The following ZFHX4 variants were observed in gnomAD, a reference collection of about 807,000 sequenced individuals.
ZFHX4 encodes the protein zinc finger homeobox 4.
ZFHX4 carries 56 observed loss-of-function variants against 267.6 expected under a neutral mutation model. The observed-to-expected ratio is 0.21, with a 90% CI of 0.17 to 0.26. The LOEUF (loss-of-function observed/expected upper bound fraction) is 0.26. Ranked by LOEUF, ZFHX4 falls within the 10% of genes least tolerant of loss-of-function variation. The probability of loss-of-function intolerance (pLI) is 1.00; values close to 1 mark genes in which losing one functional copy is unlikely to be tolerated. For missense variants in ZFHX4, 4,332 were observed against 4,420.0 expected (o/e 0.98, Z 0.56); for synonymous variants, 1,778 against 1,665.6 (o/e 1.07, Z -1.64).
chr8:76,696,769 CT>C (rs1265168629), intron 1 of ZFHX4, among the ~76,000 whole-genome samples: 6 of 151,838 alleles, frequency 4.0e-5, no homozygotes, highest in Admixed American at 1.3e-4. Flanking sequence ...TGTCATTCTA[CT>C]TATGTTCTCT....
At chr8:76,719,748 A>T (rs1808670444) in intron 3 of ZFHX4, among the ~76,000 whole-genome samples, 1 of 152,154 alleles carries the variant, frequency 6.6e-6, no homozygotes, top group Admixed American at 6.6e-5. Context: ...GGTAACCCAA[A>T]CAAGTATCTT....
Position 76,855,903 on chromosome 8 carries a change from T to A in ZFHX4, c.8982T>A (p.Pro2994=), listed in dbSNP as rs771169469. 36 of 1,613,720 alleles carry A rather than the reference T, an allele frequency of 2.2e-5. No homozygotes were observed. The highest frequency in any genetic ancestry group is 1.7e-5 in the Admixed American group (1 of 59,998). ...AATTTAAAATTAACATAGGGAAGCC[T>A]TTCATGATCAATCAAGGCGGAACGG... ...EKKFKINIGK[P]FMINQGGTEG... The change falls in exon 10 of 11, where the codon CCT becomes CCA. Residue 2994 remains proline (P), a synonymous_variant. Coordinates refer to ENST00000651372, the MANE Select transcript of ZFHX4 (RefSeq NM_024721.5).
chr8:76,850,739 C>A, intron 9 of ZFHX4, 147 bp from the exon 10 acceptor site: 2 of 1,003,200 alleles, frequency 2.0e-6, no homozygotes, highest in Non-Finnish European at 1.4e-6. Context: ...CAGTCCAGTG[C>A]TTGCCACATA....
chr8:76,847,703 C>A (rs1812400311), intron 6 of ZFHX4, among the ~76,000 whole-genome samples: 1 of 152,026 alleles, frequency 6.6e-6, no homozygotes, highest in South Asian at 2.1e-4. Flanking sequence ...AGGTATAAAA[C>A]ATGCATCTCT....
Position 76,706,660 on chromosome 8 carries a change from G to C in ZFHX4, c.2572G>C (p.Ala858Pro). Reference sequence around the variant, plus strand: ...CCAGCTGGATCCAGCGACAGCAGCGGCTTTGGCACCAGGGCTCGGTTAGTA... The same window carrying C: ...CCAGCTGGATCCAGCGACAGCAGCGCCTTTGGCACCAGGGCTCGGTTAGTA... Reference protein sequence around the residue: ...PFQLDPATAAALAPGLVNNEL... With the variant: ...PFQLDPATAAPLAPGLVNNEL... The change falls in exon 2 of 11, where the codon GCT becomes CCT. Residue 858 changes from alanine (A) to proline (P), a missense_variant. Physicochemically the swap from Ala to Pro is conservative, Grantham distance 27. This residue lies in a region of ZFHX4 where 1,195 missense variants were observed against 1,173.6 expected (regional missense o/e 1.02). Coordinates refer to ENST00000651372, the MANE Select transcript of ZFHX4 (RefSeq NM_024721.5). The C allele has an allele frequency of 3.1e-6, 5 of 1,590,028 alleles. No individual in the cohort carries two copies. The highest frequency in any genetic ancestry group is 4.3e-6 in the Non-Finnish European group (5 of 1,170,578).
chr8:76,834,027 A>C, intron 5 of ZFHX4: 1 of 324,346 alleles, frequency 3.1e-6, no homozygotes, highest in South Asian at 2.6e-5. Flanking sequence ...AGTAATATGC[A>C]TTTAAGTTTT....
At chr8:76,840,655 A>G (rs755707053) in intron 5 of ZFHX4, among the ~76,000 whole-genome samples, 8 of 152,214 alleles carry the variant, frequency 5.3e-5, no homozygotes, top group African/African-American at 7.2e-5. Context: ...AAGGACACTC[A>G]GTAGCACTCT....
chr8:76,824,165 A>G (rs1291249515), intron 4 of ZFHX4, among the ~76,000 whole-genome samples: 1 of 152,212 alleles, frequency 6.6e-6, no homozygotes, highest in African/African-American at 2.4e-5. Flanking sequence ...TGCATTTCCT[A>G]TTGAACACTG....
chr8:76,837,493 GA>G (rs11293025), intron 5 of ZFHX4, among the ~76,000 whole-genome samples: 40,401 of 121,508 alleles, frequency 0.33, 5,840 homozygotes, highest in African/African-American at 0.43. Context: ...AATGCAAAAA[GA>G]AAAAAAAAAA....
intron 5 of ZFHX4, among the ~76,000 whole-genome samples, chr8:76,839,180 A>G (rs551844129): frequency 6.6e-6 from 1 of 152,296 alleles, no homozygotes; most frequent in South Asian, 2.1e-4. Context: ...TAGAAATTGT[A>G]TAATGTTGTA....
In ZFHX4 at chr8:76,853,770, G is replaced by C. The variant is rs550963730; in HGVS notation, c.6849G>C (p.Lys2283Asn). Residue 2283 changes from lysine to asparagine, a missense_variant, in exon 10 of 11, where the codon AAG becomes AAC. Transcript: ENST00000651372. ...WFQNARQKAR[K>N]SYENQAETKD... Reference sequence around the variant, plus strand: ...AGAATGCTCGTCAGAAAGCACGAAAGAGTTATGAGAATCAAGCAGAAACAA... The same window carrying C: ...AGAATGCTCGTCAGAAAGCACGAAACAGTTATGAGAATCAAGCAGAAACAA... 6.2e-7 allele frequency: 1 copy of C among 1,613,552 alleles called. No individual in the cohort carries two copies. Among genetic ancestry groups the C allele is most frequent in the Non-Finnish European group, 8.5e-7 (1 of 1,179,786 alleles).
intron 10 of ZFHX4, 95 bp from the exon 11 acceptor site, chr8:76,862,999 A>T (rs926688680): frequency 9.8e-6 from 14 of 1,421,980 alleles, no homozygotes; most frequent in Non-Finnish European, 1.3e-5. Context: ...TGATATAGCA[A>T]TGTCCTTAGT....
intron 4 of ZFHX4, among the ~76,000 whole-genome samples, chr8:76,791,467 G>A (rs558727011): frequency 5.8e-4 from 89 of 152,206 alleles, no homozygotes; most frequent in African/African-American, 2.1e-3. Context: ...TCCCATTTAT[G>A]TACTGTCTTT....
At chr8:76,744,386 A>C (rs1809401843) in intron 3 of ZFHX4, among the ~76,000 whole-genome samples, 1 of 152,080 alleles carries the variant, frequency 6.6e-6, no homozygotes, top group South Asian at 2.1e-4. Flanking sequence ...TGGTAACAAC[A>C]AAATCAATTT....
chr8:76,705,244 G>T lies in ZFHX4; in HGVS notation c.1156G>T (p.Ala386Ser). 4 of 1,613,996 alleles carry T rather than the reference G, an allele frequency of 2.5e-6. No homozygotes were observed. The highest frequency in any genetic ancestry group is 3.4e-6 in the Non-Finnish European group (4 of 1,179,890). The change falls in exon 2 of 11, where the codon GCG becomes TCG. Residue 386 changes from alanine to serine, a missense_variant. Coordinates refer to ENST00000651372, the MANE Select transcript of ZFHX4 (RefSeq NM_024721.5). ...PAGFAFLKGS[A>S]STSSSAEQPL... ...TGGCTTTGCCTTCTTAAAAGGAAGCGCGAGCACCTCGAGCTCAGCAGAGCA... is the reference window on the plus strand; with the variant it reads ...TGGCTTTGCCTTCTTAAAAGGAAGCTCGAGCACCTCGAGCTCAGCAGAGCA...
chr8:76,690,690 C>G (rs547509211), intron 1 of ZFHX4, among the ~76,000 whole-genome samples: 1 of 152,048 alleles, frequency 6.6e-6, no homozygotes, highest in East Asian at 1.9e-4. Flanking sequence ...ATCCCTAACA[C>G]TCCTACATTC....
At chr8:76,811,319 C>G (rs997757483) in intron 4 of ZFHX4, among the ~76,000 whole-genome samples, 2 of 152,178 alleles carry the variant, frequency 1.3e-5, no homozygotes, top group Non-Finnish European at 2.9e-5. Context: ...GAAGGATGCA[C>G]CTCATAGAAA....
chr8:76,839,053 A>AAGAGAGAGAGAGAG (rs35873786), intron 5 of ZFHX4, among the ~76,000 whole-genome samples: 75 of 107,452 alleles, frequency 7.0e-4, no homozygotes, highest in Non-Finnish European at 1.1e-3. Context: ...CTCTGTCTGA[A>AAGAGAGAGAGAGAG]AGAGAGAGAG....
In ZFHX4 at chr8:76,835,225, A is replaced by ATATGTATATATATG. The variant is rs1554572142; in HGVS notation, c.3394+1822_3394+1823insGTATATATATGTAT. Among the ~76,000 whole-genome samples, 16 of 96,928 alleles carry ATATGTATATATATG rather than the reference A, an allele frequency of 1.7e-4. 1 individual carries two copies. The highest frequency in any genetic ancestry group is 9.4e-4 in the African/African-American group (16 of 17,038). The allele number at this position is 96,928 out of a possible 152,430, so 63.6% of individuals were successfully genotyped here. A position where few individuals can be genotyped will look rare whatever the true frequency, so the allele number is the denominator to read the frequency against. ...TGCTTTGGTGTATATATATGTATAT[A>ATATGTATATATATG]TATATATATATATATGTATATATAT... On this transcript the variant is annotated intron_variant, in intron 5 of 10. Transcript: ENST00000651372.
Sources: gnomAD v4.1 joint callset for allele counts (sites outside exome capture counted in the v4.1 genomes callset) on GRCh38, gnomAD v4.1.1 for gene constraint, gnomAD v4.1.1 regional missense constraint, MANE v1.5 for transcripts, NCBI Gene and HGNC (gene_info 2026-07-23, HGNC 2026-07-21) for gene names.